AGMO: variants seen among roughly 807,000 people sequenced by gnomAD.
AGMO encodes alkylglycerol monooxygenase.
AGMO carries 75 observed loss-of-function variants against 60.2 expected under a neutral mutation model. That is an observed-to-expected ratio of 1.25 (90% CI 1.03 to 1.51). The LOEUF (loss-of-function observed/expected upper bound fraction) is 1.51. AGMO is among the 40% of genes most tolerant of loss of function. The pLI is 0.00. For synonymous variants in AGMO, 261 were observed against 177.1 expected (o/e 1.47, Z -3.76); for missense variants, 763 against 525.5 (o/e 1.45, Z -4.42).
intron 12 of AGMO, among the ~76,000 whole-genome samples, chr7:15,259,402 G>A (rs928698351): frequency 6.6e-6 from 1 of 152,054 alleles, no homozygotes; most frequent in Admixed American, 6.6e-5. Flanking sequence ...CAGGAAGTCT[G>A]GGACTATGTT....
chr7:15,217,930 A>G (rs1261944466), intron 12 of AGMO, among the ~76,000 whole-genome samples: 1 of 152,042 alleles, frequency 6.6e-6, no homozygotes, highest in Non-Finnish European at 1.5e-5. Context: ...AGGGGTACAT[A>G]TGAAGAATTG....
chr7:15,222,420 A>T (rs957934370), intron 12 of AGMO, among the ~76,000 whole-genome samples: 4 of 152,096 alleles, frequency 2.6e-5, no homozygotes, highest in Admixed American at 1.3e-4. Context: ...AAAGAAAGAC[A>T]GTGAGTGGCT....
intron 12 of AGMO, among the ~76,000 whole-genome samples, chr7:15,354,514 A>ATG (rs1782442997): frequency 1.2e-5 from 1 of 82,482 alleles, no homozygotes; most frequent in Non-Finnish European, 2.3e-5. Flanking sequence ...ATATATATAT[A>ATG]TATATATATA....
chr7:15,558,581 T>C (rs1785216414), intron 2 of AGMO, among the ~76,000 whole-genome samples: 1 of 152,076 alleles, frequency 6.6e-6, no homozygotes, highest in South Asian at 2.1e-4. Context: ...TAAATTCTTA[T>C]TCATGATAAT....
In AGMO at chr7:15,390,864, GAAC is replaced by G. The variant is rs1562481316; in HGVS notation, c.715_717del (p.Val239del). The G allele has an allele frequency of 1.9e-6, 3 of 1,604,240 alleles. No individual in the cohort carries two copies. The highest frequency in any genetic ancestry group is 2.6e-6 in the Non-Finnish European group (3 of 1,174,582). ...CCAAAAATTTTATCCCAAATAATAAGAACACCAGCATAATTTTTGTCTATGCAA... is the reference window on the plus strand; with the variant it reads ...CCAAAAATTTTATCCCAAATAATAAGACCAGCATAATTTTTGTCTATGCAA... On this transcript the variant is annotated inframe_deletion, in exon 7 of 13. Transcript: ENST00000342526.
At chr7:15,524,727 G>GA (rs1583644477) in intron 3 of AGMO, among the ~76,000 whole-genome samples, 1 of 52,916 alleles carries the variant, frequency 1.9e-5, no homozygotes, top group East Asian at 3.5e-3. Context: ...GCCAGGCATG[G>GA]TGCACATGCC....
In AGMO at chr7:15,515,310, C is replaced by T. The variant is rs558851886; in HGVS notation, c.409+29462G>A. On this transcript the variant is annotated intron_variant, in intron 3 of 12. Transcript: ENST00000342526. ...TTGAATCAGCTTCCTGTTATCTGAG[C>T]AAGTCATCATACTTTTACTTTGGAC... Among the ~76,000 whole-genome samples the T allele has an allele frequency of 1.6e-4, 24 of 152,296 alleles. No individual in the cohort carries two copies. In the South Asian group the frequency reaches 5.0e-3, roughly 32 times the overall value.
chr7:15,358,027 A>T (rs1343921601), intron 12 of AGMO, among the ~76,000 whole-genome samples: 2 of 152,216 alleles, frequency 1.3e-5, no homozygotes, highest in Non-Finnish European at 2.9e-5. Flanking sequence ...GTTTGCTAAG[A>T]ACTGTTGAAT....
At chr7:15,480,962 T>TAATTAATGTATAAACATGTTTATACAC (rs1562528701) in intron 3 of AGMO, among the ~76,000 whole-genome samples, 2 of 151,640 alleles carry the variant, frequency 1.3e-5, no homozygotes, top group African/African-American at 4.9e-5. Context: ...TGTTCAAGCA[T>TAATTAATGTATAAACATGTTTATACAC]AATTAATGTA....
At chr7:15,176,292 T>C in the AGMO span, among the ~76,000 whole-genome samples, 2 of 152,060 alleles carry the variant, frequency 1.3e-5, no homozygotes, top group East Asian at 3.9e-4. Flanking sequence ...AAGACTGGAA[T>C]ATAGATGGAC....
chr7:15,215,343 T>C (rs1373688832), intron 12 of AGMO, among the ~76,000 whole-genome samples: 2 of 152,052 alleles, frequency 1.3e-5, no homozygotes, highest in Non-Finnish European at 2.9e-5. Flanking sequence ...ATGTGGAAAT[T>C]TTATTTTTCT....
chr7:15,543,383 G>C (rs1408967771), intron 3 of AGMO, among the ~76,000 whole-genome samples: 2 of 152,052 alleles, frequency 1.3e-5, no homozygotes, highest in Non-Finnish European at 2.9e-5. Flanking sequence ...AACATTTCTT[G>C]GGAAGTGCAG....
chr7:15,351,789 T>G (rs894487845), intron 12 of AGMO, among the ~76,000 whole-genome samples: 2 of 152,210 alleles, frequency 1.3e-5, no homozygotes, highest in South Asian at 4.1e-4. Context: ...CGGCTAGAGA[T>G]AAAAACAGTA....
the AGMO span, among the ~76,000 whole-genome samples, chr7:15,172,258 G>A: frequency 6.6e-6 from 1 of 152,204 alleles, no homozygotes; most frequent in Non-Finnish European, 1.5e-5. Context: ...GAGGTACAGA[G>A]CTGTCCATAG....
At chr7:15,466,153 T>A (rs1250385787) in intron 3 of AGMO, among the ~76,000 whole-genome samples, 1 of 152,172 alleles carries the variant, frequency 6.6e-6, no homozygotes, top group Non-Finnish European at 1.5e-5. Flanking sequence ...ATGATAACAG[T>A]GATGGCAGTG....
At chr7:15,202,458 C>CAAAAAAAAAAAAAACAAAAAAAAAAAAA (rs1781317659) in intron 12 of AGMO, among the ~76,000 whole-genome samples, 1 of 45,358 alleles carries the variant, frequency 2.2e-5, no homozygotes, top group Admixed American at 3.1e-4. Flanking sequence ...TACAAATGAG[C>CAAAAAAAAAAAAAACAAAAAAAAAAAAA]AAAAAAAAAA....
At chr7:15,351,368 T>C (rs756600541) in intron 12 of AGMO, among the ~76,000 whole-genome samples, 3 of 152,158 alleles carry the variant, frequency 2.0e-5, no homozygotes, top group Non-Finnish European at 2.9e-5. Flanking sequence ...AAATACCATT[T>C]TGATTACAGA....
chr7:15,561,334 T>G (rs1334171669), intron 1 of AGMO, among the ~76,000 whole-genome samples: 2 of 152,160 alleles, frequency 1.3e-5, no homozygotes, highest in South Asian at 4.1e-4. Flanking sequence ...AAAGAGGAAA[T>G]AGTTTCCCTG....
At chr7:15,283,821 T>C (rs1350297615) in intron 12 of AGMO, among the ~76,000 whole-genome samples, 4 of 151,926 alleles carry the variant, frequency 2.6e-5, no homozygotes, top group Non-Finnish European at 2.9e-5. Flanking sequence ...ATAGACCATA[T>C]GATAGGCCAC....
Sources: allele counts gnomAD v4.1 joint callset (sites outside exome capture counted in the v4.1 genomes callset), GRCh38; gene constraint gnomAD v4.1.1; transcripts MANE v1.5; gene names NCBI Gene and HGNC (gene_info 2026-07-23, HGNC 2026-07-21).